The following UBOX5 variants were observed in gnomAD, a reference collection of about 807,000 sequenced individuals.
UBOX5 encodes the protein U-box domain containing 5, also known as RING finger protein 37.
A neutral mutation model predicts 39.0 loss-of-function variants in UBOX5; 28 were observed. The ratio of observed to expected loss-of-function variants is 0.72; its 90% confidence interval spans 0.53 to 0.98. The LOEUF (loss-of-function observed/expected upper bound fraction) is 0.98. UBOX5 is among the 50% of genes least tolerant of loss of function. UBOX5 has a pLI of 0.00. For missense variants in UBOX5, 585 were observed against 674.4 expected, an observed-to-expected ratio of 0.87 and a Z score of 1.47; for synonymous variants, 283 against 275.5, an observed-to-expected ratio of 1.03 and a Z score of -0.27.
At position 3,121,906 on chromosome 20, in the gene UBOX5, C is replaced by G. The variant is rs777766095; in HGVS notation, c.733G>C (p.Ala245Pro). The part of the protein sequence containing the change: ...DPGDQPESQQ[A>P]PSSLQKLAEI... ...GCCAGCTTCTGCAGGCTGGAGGGAG[C>G]CTGCTGGCTCTCAGGCTGGTCCCCA... Residue 245 changes from alanine to proline, a missense_variant, in exon 3 of 5, where the codon GCT (alanine) becomes CCT (proline). Physicochemically the swap from Ala to Pro is conservative, Grantham distance 27. Coordinates refer to ENST00000217173, the MANE Select transcript of UBOX5 (RefSeq NM_014948.4). 1 of 1,613,742 alleles carries G rather than the reference C, an allele frequency of 6.2e-7. No homozygotes were observed. The highest frequency in any genetic ancestry group is 8.5e-7 in the Non-Finnish European group (1 of 1,180,034).
At chr20:3,153,186 C>G (rs2066649260) in intron 1 of UBOX5, among the ~76,000 whole-genome samples, 1 of 152,140 alleles carries the variant, frequency 6.6e-6, no homozygotes, top group Non-Finnish European at 1.5e-5. Flanking sequence ...CCTAAGAGTA[C>G]TTAATGAAAT....
At position 3,121,792 on chromosome 20, in the gene UBOX5, C is replaced by T. The variant is rs1360161490; in HGVS notation, c.847G>A (p.Val283Ile). 6.2e-7 allele frequency: 1 copy of T among 1,614,162 alleles called. No homozygotes were observed. The highest frequency in any genetic ancestry group is 1.1e-5 in the South Asian group (1 of 91,088). ...PCPMLLPSGKVIDQSTLEKCN... is the reference protein window; with the variant it reads ...PCPMLLPSGKIIDQSTLEKCN... ...TTCTCCAGTGTGCTCTGGTCGATGA[C>T]CTTGCCTGAGGGCAGCAGCATGGGA... Residue 283 changes from valine to isoleucine, a missense_variant, in exon 3 of 5, where the codon GTC becomes ATC. Transcript: ENST00000217173.
At chr20:3,146,596 A>C (rs2066565279) in intron 1 of UBOX5, 2 of 661,424 alleles carry the variant, frequency 3.0e-6, no homozygotes. Flanking sequence ...AATTTGTACA[A>C]TCCAACTACA....
In UBOX5 at chr20:3,147,980, C is replaced by T. The variant is rs541661773; in HGVS notation, c.-42+11786G>A. Reference sequence around the variant, plus strand: ...ATTGATGTGATCCACGTGAGTGAAACGGAACATTTTAACAATATTCACTAA... The same window carrying T: ...ATTGATGTGATCCACGTGAGTGAAATGGAACATTTTAACAATATTCACTAA... On this transcript the variant is annotated intron_variant, in intron 1 of 4. Coordinates refer to ENST00000217173, the MANE Select transcript of UBOX5 (RefSeq NM_014948.4). 5.6e-6 allele frequency: 9 copies of T among 1,614,144 alleles called. No homozygotes were observed. In the East Asian group the frequency reaches 6.7e-5, roughly 12 times the overall value.
intron 1 of UBOX5, among the ~76,000 whole-genome samples, chr20:3,139,693 C>A (rs750590899): frequency 2.0e-5 from 3 of 151,990 alleles, no homozygotes. Context: ...GGATTACAGG[C>A]GTGAGCCACT....
chr20:3,153,399 T>C (rs1233936644), intron 1 of UBOX5, among the ~76,000 whole-genome samples: 1 of 152,232 alleles, frequency 6.6e-6, no homozygotes, highest in Non-Finnish European at 1.5e-5. Flanking sequence ...TCTGCATTAG[T>C]TCCCATCCTT....
At chr20:3,123,525 C>T (rs981481927) in intron 1 of UBOX5, 119 bp from the exon 2 acceptor site, 21 of 652,144 alleles carry the variant, frequency 3.2e-5, no homozygotes, top group African/African-American at 2.7e-4. Context: ...CACACACTCT[C>T]ACGGTCCACA....
chr20:3,138,849 A>G (rs2148611153), intron 1 of UBOX5, among the ~76,000 whole-genome samples: 1 of 152,322 alleles, frequency 6.6e-6, no homozygotes, highest in East Asian at 1.9e-4. Flanking sequence ...CTCAGCATCC[A>G]GCTTCCTTCA....
At chr20:3,116,196 C>T (rs1422430809) in intron 3 of UBOX5, among the ~76,000 whole-genome samples, 1 of 152,212 alleles carries the variant, frequency 6.6e-6, no homozygotes, top group Non-Finnish European at 1.5e-5. Flanking sequence ...CTGGGGACCC[C>T]ACCACCCCCC....
At chr20:3,120,274 G>C (rs2066323716) in intron 3 of UBOX5, among the ~76,000 whole-genome samples, 1 of 150,176 alleles carries the variant, frequency 6.7e-6, no homozygotes, top group Admixed American at 6.6e-5. Flanking sequence ...TTGAACCTGG[G>C]AGGCGGAGGT....
At chr20:3,153,531 C>T (rs1353640023) in intron 1 of UBOX5, among the ~76,000 whole-genome samples, 2 of 152,220 alleles carry the variant, frequency 1.3e-5, no homozygotes, top group Non-Finnish European at 1.5e-5. Context: ...ATATTAAAGA[C>T]TGTCTGACTC....
chr20:3,121,448 C>T lies in UBOX5; in HGVS notation c.1191G>A (p.Glu397=). The T allele has an allele frequency of 6.2e-7, 1 of 1,614,054 alleles. No individual in the cohort carries two copies. Among genetic ancestry groups the T allele is most frequent in the South Asian group, 1.1e-5 (1 of 91,078 alleles). Residue 397 remains glutamate, a synonymous_variant, in exon 3 of 5, where the codon GAG becomes GAA. Transcript: ENST00000217173. ...TSPLVLPTTS[E]HTAKKMKATN... is the part of the protein sequence containing the mutation. ...TGGCTTTCATTTTCTTAGCAGTGTG[C>T]TCTGAGGTAGTGGGTAAGACCAAAG... is the stretch of plus-strand genomic sequence containing the variant.
chr20:3,152,100 C>CAAAA (rs60655157), intron 1 of UBOX5, among the ~76,000 whole-genome samples: 2 of 62,862 alleles, frequency 3.2e-5, no homozygotes, highest in Non-Finnish European at 6.8e-5. Flanking sequence ...GACTCTGTCT[C>CAAAA]AAAAAAAAAA....
chr20:3,119,781 G>A (rs1237044057), intron 3 of UBOX5, among the ~76,000 whole-genome samples: 2 of 152,044 alleles, frequency 1.3e-5, no homozygotes, highest in Non-Finnish European at 2.9e-5. Flanking sequence ...TTGAAGCTGC[G>A]AGGCGGAGGC....
chr20:3,141,770 T>C (rs1364928025), intron 1 of UBOX5, among the ~76,000 whole-genome samples: 1 of 152,174 alleles, frequency 6.6e-6, no homozygotes, highest in Non-Finnish European at 1.5e-5. Flanking sequence ...CCCAACACTT[T>C]GAGAGACTGA....
intron 1 of UBOX5, 35 bp from the exon 2 acceptor site, chr20:3,123,441 G>A: frequency 6.8e-7 from 1 of 1,465,874 alleles, no homozygotes; most frequent in Non-Finnish European, 9.4e-7. Context: ...ATTAGAAAAT[G>A]TAAAATTCAA....
chr20:3,145,566 G>A (rs1440549531), intron 1 of UBOX5, among the ~76,000 whole-genome samples: 2 of 151,850 alleles, frequency 1.3e-5, no homozygotes, highest in Non-Finnish European at 2.9e-5. Flanking sequence ...AGCCTCCTGA[G>A]TAGCTAGGAC....
chr20:3,128,310 T>G (rs2066405196), intron 1 of UBOX5, among the ~76,000 whole-genome samples: 1 of 152,216 alleles, frequency 6.6e-6, no homozygotes, highest in Non-Finnish European at 1.5e-5. Flanking sequence ...TTCACTTTAA[T>G]TGAATATAGA....
chr20:3,144,998 A>AG (rs2066547720), intron 1 of UBOX5, among the ~76,000 whole-genome samples: 1 of 152,232 alleles, frequency 6.6e-6, no homozygotes. Context: ...GCTAAAAGAA[A>AG]AATATTAAGT....
Sources: allele counts gnomAD v4.1 joint callset (sites outside exome capture counted in the v4.1 genomes callset), GRCh38; gene constraint gnomAD v4.1.1; transcripts MANE v1.5; gene names NCBI Gene and HGNC (gene_info 2026-07-23, HGNC 2026-07-21).